KCNH1: variants seen among roughly 807,000 people sequenced by gnomAD.
KCNH1 encodes voltage-gated delayed rectifier potassium channel KCNH1.
A neutral mutation model predicts 69.2 loss-of-function variants in KCNH1; 27 were observed. The ratio of observed to expected loss-of-function variants is 0.39; its 90% CI spans 0.29 to 0.54. The LOEUF is 0.54. KCNH1 is among the 20% of genes least tolerant of loss of function. The pLI, the probability that KCNH1 is intolerant of heterozygous loss-of-function variation, is 0.68. For synonymous variants in KCNH1, 456 were observed against 487.7 expected, an observed-to-expected ratio of 0.93 and a Z score of 0.86; for missense variants, 798 against 1,261.6, an observed-to-expected ratio of 0.63 and a Z score of 5.57.
At chr1:210,861,808 T>C in intron 7 of KCNH1, 1 of 763,570 alleles carries the variant, frequency 1.3e-6, no homozygotes. Context: ...TAGTTTTTTA[T>C]ACTCATAAGT....
chr1:211,024,427 A>G (rs1689647187), intron 5 of KCNH1, among the ~76,000 whole-genome samples: 1 of 152,196 alleles, frequency 6.6e-6, no homozygotes, highest in African/African-American at 2.4e-5. Flanking sequence ...AGGAAAAGAA[A>G]GAAGTCCAAT....
intron 9 of KCNH1, among the ~76,000 whole-genome samples, chr1:210,786,615 CA>C (rs1332675203): frequency 6.6e-6 from 1 of 152,158 alleles, no homozygotes; most frequent in Non-Finnish European, 1.5e-5. Flanking sequence ...CTTCAATTGC[CA>C]CCTAGACCAT....
rs77160107 is a variant in KCNH1, at chr1:210,891,540, TAA to T, written c.1462+28098_1462+28099del. ...CATACCCTAGAACTTAAAGTATAAT[TAA>T]AAAAAAAAAAAGTCAGGAAACAACA... On this transcript the variant is annotated intron_variant, in intron 7 of 10. Coordinates refer to ENST00000271751, the MANE Select transcript of KCNH1 (RefSeq NM_172362.3). 4.5e-4 allele frequency among the ~76,000 whole-genome samples: 64 copies of T among 141,200 alleles called. 2 individuals carry two copies. In the East Asian group the frequency reaches 6.5e-3, roughly 14 times the overall value. The allele number at this position is 141,200 out of a possible 152,430, so 92.6% of individuals were successfully genotyped here.
intron 6 of KCNH1, among the ~76,000 whole-genome samples, chr1:210,940,495 G>A (rs1035395358): frequency 6.6e-6 from 1 of 152,188 alleles, no homozygotes; most frequent in Non-Finnish European, 1.5e-5. Context: ...CTAAAAATGG[G>A]ATAGCTTGCA....
chr1:210,860,015 C>G, intron 7 of KCNH1: 1 of 1,583,562 alleles, frequency 6.3e-7, no homozygotes, highest in Non-Finnish European at 8.7e-7. Context: ...AGGGAATGCA[C>G]TGGTCAACGT....
intron 10 of KCNH1, among the ~76,000 whole-genome samples, chr1:210,720,939 G>A (rs972129019): frequency 6.6e-6 from 1 of 152,142 alleles, no homozygotes; most frequent in Non-Finnish European, 1.5e-5. Flanking sequence ...CATTGATGTT[G>A]TCTCTCCCCC....
At chr1:210,994,969 T>G (rs1689001892) in intron 6 of KCNH1, among the ~76,000 whole-genome samples, 1 of 152,202 alleles carries the variant, frequency 6.6e-6, no homozygotes, top group South Asian at 2.1e-4. Context: ...TATAAAGTAT[T>G]TAGCACTTAT....
chr1:210,924,699 G>A (rs1430761451), intron 6 of KCNH1, among the ~76,000 whole-genome samples: 3 of 152,036 alleles, frequency 2.0e-5, no homozygotes, highest in Non-Finnish European at 1.5e-5. Context: ...GTGGAACCAG[G>A]GACTGGCCTA....
Position 210,899,589 on chromosome 1 carries a change from A to G in KCNH1, c.1462+20051T>C, listed in dbSNP as rs1185945717. Among the ~76,000 whole-genome samples, 5 of 152,280 alleles carry G rather than the reference A, an allele frequency of 3.3e-5. No individual in the cohort carries two copies. The East Asian group carries it at 9.6e-4, about 29-fold the overall frequency. ...GTTTTAAGATTATAAGGGAGTCTTG[A>G]GACCAAAAAAATGAGAACCACTGAT... On this transcript the variant is annotated intron_variant, in intron 7 of 10. Transcript: ENST00000271751.
intron 7 of KCNH1, among the ~76,000 whole-genome samples, chr1:210,883,769 G>A (rs1046993035): frequency 1.3e-5 from 2 of 152,308 alleles, no homozygotes; most frequent in East Asian, 1.9e-4. Context: ...TTTCATTAAC[G>A]CCAAGCAAGC....
At chr1:210,917,013 T>C (rs959604657) in intron 7 of KCNH1, among the ~76,000 whole-genome samples, 1 of 151,768 alleles carries the variant, frequency 6.6e-6, no homozygotes, top group Non-Finnish European at 1.5e-5. Context: ...CCAGGTGTCA[T>C]GGTGCGTGCC....
intron 10 of KCNH1, among the ~76,000 whole-genome samples, chr1:210,734,555 C>G (rs920558425): frequency 6.6e-6 from 1 of 152,130 alleles, no homozygotes; most frequent in Non-Finnish European, 1.5e-5. Context: ...TATAATCCCC[C>G]GCCACCCCCC....
chr1:210,902,694 G>A lies in KCNH1; in HGVS notation c.1462+16946C>T, dbSNP rs149382306. On this transcript the variant is annotated intron_variant, in intron 7 of 10. Coordinates refer to ENST00000271751, the MANE Select transcript of KCNH1 (RefSeq NM_172362.3). ...TGAAGTGGGCCCTCCATAGTAAAGCGGCACACTCTGTCCCCAGTCAGTGAC... is the reference window on the plus strand; with the variant it reads ...TGAAGTGGGCCCTCCATAGTAAAGCAGCACACTCTGTCCCCAGTCAGTGAC... Among the ~76,000 whole-genome samples the A allele has an allele frequency of 5.9e-5, 9 of 152,144 alleles. No homozygotes were observed. The East Asian group carries it at 9.6e-4, about 16-fold the overall frequency.
chr1:210,688,204 C>A (rs564715458), intron 10 of KCNH1, among the ~76,000 whole-genome samples: 1 of 152,156 alleles, frequency 6.6e-6, no homozygotes, highest in East Asian at 1.9e-4. Context: ...GAAAGAACCC[C>A]GTCTGGAAAA....
chr1:210,896,519 A>G (rs1214908437), intron 7 of KCNH1, among the ~76,000 whole-genome samples: 5 of 152,092 alleles, frequency 3.3e-5, no homozygotes, highest in Non-Finnish European at 7.4e-5. Context: ...GGCTGAGGAG[A>G]ATAATATGAA....
chr1:210,701,207 G>A (rs1316408144), intron 10 of KCNH1, among the ~76,000 whole-genome samples: 1 of 152,198 alleles, frequency 6.6e-6, no homozygotes, highest in Non-Finnish European at 1.5e-5. Flanking sequence ...AAAGTGCTGG[G>A]ATTACAGGCG....
intron 2 of KCNH1, among the ~76,000 whole-genome samples, chr1:211,106,443 T>A (rs1213862735): frequency 1.3e-5 from 2 of 152,176 alleles, no homozygotes; most frequent in Non-Finnish European, 2.9e-5. Flanking sequence ...ACAGCATGAA[T>A]TAGAAGGCAA....
chr1:210,816,374 AC>A (rs1384526478), intron 7 of KCNH1, among the ~76,000 whole-genome samples: 16 of 152,320 alleles, frequency 1.1e-4, no homozygotes, highest in African/African-American at 2.6e-4. Flanking sequence ...CTCCTGCTCC[AC>A]GGTAACCCAT....
At chr1:210,989,062 G>T (rs1470229712) in intron 6 of KCNH1, among the ~76,000 whole-genome samples, 1 of 152,088 alleles carries the variant, frequency 6.6e-6, no homozygotes, top group Non-Finnish European at 1.5e-5. Flanking sequence ...ATTTTAGGTT[G>T]CTTTTCCACA....
Sources: gnomAD v4.1 joint callset for allele counts (sites outside exome capture counted in the v4.1 genomes callset) on GRCh38, gnomAD v4.1.1 for gene constraint, MANE v1.5 for transcripts, NCBI Gene and HGNC (gene_info 2026-07-23, HGNC 2026-07-21) for gene names.